Variants in MCPH1 observed in about 807,000 individuals in gnomAD.
The protein encoded by MCPH1 is microcephalin 1, also known as microcephalin.
MCPH1 carries 104 observed loss-of-function variants against 84.5 expected under a neutral mutation model. The observed-to-expected ratio is 1.23, with a 90% CI of 1.05 to 1.45. The LOEUF (loss-of-function observed/expected upper bound fraction) is 1.45. Among genes scored for constraint, MCPH1 ranks in the 40% most tolerant of loss-of-function variants. MCPH1 has a pLI of 0.00. For missense variants in MCPH1, 1,498 were observed against 1,005.7 expected (o/e 1.49, Z -6.62); for synonymous variants, 514 against 366.8 (o/e 1.40, Z -4.58).
At chr8:6,564,141 C>A (rs1229693610) in intron 12 of MCPH1, among the ~76,000 whole-genome samples, 1 of 152,016 alleles carries the variant, frequency 6.6e-6, no homozygotes, top group African/African-American at 2.4e-5. Context: ...GCCACCACAC[C>A]CGGCTAATTT....
rs544003234 is a variant in MCPH1 at position 6,466,279 on chromosome 8, G to C, written c.1935+11027G>C. 5.9e-5 allele frequency among the ~76,000 whole-genome samples: 9 copies of C among 151,720 alleles called. No individual in the cohort carries two copies. In the East Asian group the frequency reaches 1.7e-3, roughly 29 times the overall value. Reference sequence around the variant, plus strand: ...AGCCTCCTGAGTAGCTGGTACTAGAGGCACGTTCCATCACGCCTGGCTAAT... The same window carrying C: ...AGCCTCCTGAGTAGCTGGTACTAGACGCACGTTCCATCACGCCTGGCTAAT... On this transcript the variant is annotated intron_variant, in intron 9 of 13. Coordinates refer to ENST00000344683, the MANE Select transcript of MCPH1 (RefSeq NM_024596.5).
chr8:6,464,289 TG>T (rs1051607490), intron 9 of MCPH1, among the ~76,000 whole-genome samples: 70 of 152,182 alleles, frequency 4.6e-4, no homozygotes, highest in Admixed American at 1.5e-3. Flanking sequence ...TTGTAACAGG[TG>T]TGGGGTCCAT....
At chr8:6,635,772 C>CT in intron 13 of MCPH1, among the ~76,000 whole-genome samples, 1 of 152,280 alleles carries the variant, frequency 6.6e-6, no homozygotes, top group East Asian at 1.9e-4. Context: ...CCTGTAACTG[C>CT]TTCTTATGTT....
intron 12 of MCPH1, among the ~76,000 whole-genome samples, chr8:6,581,791 C>A (rs1339231507): frequency 6.6e-6 from 1 of 152,274 alleles, no homozygotes; most frequent in Non-Finnish European, 1.5e-5. Context: ...TCTCACAGTT[C>A]TGGAGGCTGA....
At chr8:6,635,885 T>C (rs1428490422) in intron 13 of MCPH1, among the ~76,000 whole-genome samples, 1 of 152,238 alleles carries the variant, frequency 6.6e-6, no homozygotes, top group African/African-American at 2.4e-5. Flanking sequence ...GTTGCTGCTG[T>C]TGTTCAGCAG....
intron 12 of MCPH1, among the ~76,000 whole-genome samples, chr8:6,539,937 C>T (rs4991606): frequency 5.3e-5 from 8 of 151,860 alleles, no homozygotes; most frequent in African/African-American, 1.9e-4. Flanking sequence ...ATAACCAACC[C>T]CTTTCCTACT....
At chr8:6,467,120 A>C (rs1807079267) in intron 9 of MCPH1, among the ~76,000 whole-genome samples, 1 of 152,224 alleles carries the variant, frequency 6.6e-6, no homozygotes. Flanking sequence ...AAAAATTATG[A>C]GGTATTTAAA....
rs1258494118 is a variant in MCPH1 at position 6,431,618 on chromosome 8, A to C, written c.321+32A>C. The C allele has an allele frequency of 2.2e-6, 3 of 1,367,582 alleles. No homozygotes were observed. The East Asian group carries it at 6.9e-5, about 31-fold the overall frequency. 84.7% of individuals were successfully genotyped at this position (1,367,582 alleles called of 1,614,324 possible). A position where few individuals can be genotyped will look rare whatever the true frequency, so the allele number is the denominator to read the frequency against. ...ACATGATTTCAATGTAGATAATGGC[A>C]ATTAGGAATTTATTCGTTTTTATTT... On this transcript the variant is annotated intron_variant, in intron 4 of 13. Coordinates refer to ENST00000344683, the MANE Select transcript of MCPH1 (RefSeq NM_024596.5).
chr8:6,606,978 G>C (rs1272672544), intron 12 of MCPH1, among the ~76,000 whole-genome samples: 1 of 152,146 alleles, frequency 6.6e-6, no homozygotes, highest in East Asian at 1.9e-4. Flanking sequence ...TCTTTCTTTT[G>C]TAAATTGCCC....
At chr8:6,446,857 G>A (rs1232494470) in intron 8 of MCPH1, 1 of 985,152 alleles carries the variant, frequency 1.0e-6, no homozygotes, top group Admixed American at 6.2e-5. Context: ...GGAAGCAGGT[G>A]TGTTATGTTC....
intron 12 of MCPH1, among the ~76,000 whole-genome samples, chr8:6,612,079 C>A (rs1077701): frequency 0.5 from 75,920 of 151,986 alleles, 19,425 homozygotes; most frequent in Non-Finnish European, 0.56. Flanking sequence ...CCAGGAGCCA[C>A]CTCATTAGCA....
chr8:6,543,473 G>A (rs765838455), intron 12 of MCPH1, among the ~76,000 whole-genome samples: 1 of 152,108 alleles, frequency 6.6e-6, no homozygotes, highest in Non-Finnish European at 1.5e-5. Flanking sequence ...TGAGCAAAAC[G>A]CACTGACGGG....
At chr8:6,456,757 G>A (rs184934883) in intron 9 of MCPH1, among the ~76,000 whole-genome samples, 1 of 151,636 alleles carries the variant, frequency 6.6e-6, no homozygotes, top group Non-Finnish European at 1.5e-5. Context: ...CATGAGGTTT[G>A]ACTTTCTCAT....
At chr8:6,557,531 G>A (rs184111244) in intron 12 of MCPH1, among the ~76,000 whole-genome samples, 87 of 152,260 alleles carry the variant, frequency 5.7e-4, no homozygotes, top group South Asian at 1.9e-3. Flanking sequence ...TCAAGCCAAA[G>A]GAGGATGTAG....
At chr8:6,529,072 T>C (rs2442609) in intron 12 of MCPH1, among the ~76,000 whole-genome samples, 71,971 of 151,688 alleles carry the variant, frequency 0.47, 17,443 homozygotes, top group African/African-American at 0.57. Flanking sequence ...TGAGTAAAAT[T>C]CCGTGTGGAG....
intron 12 of MCPH1, among the ~76,000 whole-genome samples, chr8:6,587,549 CTG>C (rs1228395359): frequency 1.3e-5 from 2 of 152,150 alleles, no homozygotes; most frequent in Non-Finnish European, 1.5e-5. Context: ...CCAGTTTTCA[CTG>C]TTATGAATCT....
chr8:6,642,729 C>T (rs756530728), intron 13 of MCPH1: 15 of 523,836 alleles, frequency 2.9e-5, no homozygotes, highest in Non-Finnish European at 4.2e-5. Context: ...ACAACGGGAA[C>T]GTGCCCTGCA....
At chr8:6,622,267 T>A (rs1252740936) in intron 13 of MCPH1, 1 of 167,172 alleles carries the variant, frequency 6.0e-6, no homozygotes, top group East Asian at 1.6e-4. Context: ...CCGTGTGCGA[T>A]TCTGGGGAGG....
At chr8:6,542,230 A>C (rs1195741309) in intron 12 of MCPH1, among the ~76,000 whole-genome samples, 1 of 152,182 alleles carries the variant, frequency 6.6e-6, no homozygotes, top group African/African-American at 2.4e-5. Flanking sequence ...GCCAAATAGA[A>C]TCTTATGTAT....
Sources: allele counts gnomAD v4.1 joint callset (sites outside exome capture counted in the v4.1 genomes callset), GRCh38; gene constraint gnomAD v4.1.1; transcripts MANE v1.5; gene names NCBI Gene and HGNC (gene_info 2026-07-23, HGNC 2026-07-21).